The following STAM2 variants were observed in gnomAD, a reference collection of about 807,000 sequenced individuals.
STAM2 encodes signal transducing adapter molecule 2.
Under a neutral mutation model 65.6 loss-of-function variants are expected in STAM2, and 51 were observed. That is an observed-to-expected ratio of 0.78 (90% CI 0.62 to 0.98). The LOEUF is 0.98. Ranked by LOEUF, STAM2 falls within the 50% of genes least tolerant of loss-of-function variation. The probability of loss-of-function intolerance (pLI) is 0.00; values close to 1 mark genes in which losing one functional copy is unlikely to be tolerated. For synonymous variants in STAM2, 198 were observed against 208.4 expected (o/e 0.95, Z 0.43); for missense variants, 584 against 617.8 (o/e 0.95, Z 0.58).
chr2:152,150,878 AT>A (rs1000471596), intron 1 of STAM2, among the ~76,000 whole-genome samples: 1 of 151,904 alleles, frequency 6.6e-6, no homozygotes, highest in South Asian at 2.1e-4. Context: ...GGTTTTGTAA[AT>A]TTTTTTAATA....
chr2:152,150,281 T>C, intron 1 of STAM2, 52 bp from the exon 2 acceptor site: 1 of 1,163,294 alleles, frequency 8.6e-7, no homozygotes, highest in East Asian at 2.4e-5. Flanking sequence ...CATATAACAC[T>C]AAAATACCAG....
intron 11 of STAM2, among the ~76,000 whole-genome samples, chr2:152,127,574 T>C: frequency 6.6e-6 from 1 of 151,896 alleles, no homozygotes; most frequent in South Asian, 2.1e-4. Context: ...TTTTCATTTG[T>C]TTATATCCAT....
intron 1 of STAM2, among the ~76,000 whole-genome samples, chr2:152,158,470 C>T (rs1689594159): frequency 6.6e-6 from 1 of 150,466 alleles, no homozygotes; most frequent in Non-Finnish European, 1.5e-5. Flanking sequence ...AGCAAGATTC[C>T]ATCTCAAAAA....
chr2:152,134,612 T>C lies in STAM2; in HGVS notation c.799+897A>G, dbSNP rs189477089. 1.7e-3 allele frequency among the ~76,000 whole-genome samples: 264 copies of C among 152,318 alleles called. 1 individual carries two copies. The highest frequency in any genetic ancestry group is 5.5e-3 in the African/African-American group (228 of 41,574). ...CACTGATATATCCCTCAGTGAGTCA[T>C]TGTTAAGGTCAAACTGACTGACTTT... On this transcript the variant is annotated intron_variant, in intron 8 of 13. Transcript: ENST00000263904.
In STAM2 at chr2:152,147,022, A is replaced by T. The variant is rs1408785193; in HGVS notation, c.447+140T>A. 5 of 710,390 alleles carry T rather than the reference A, an allele frequency of 7.0e-6. No homozygotes were observed. In the Admixed American group the frequency reaches 1.2e-4, roughly 17 times the overall value. 44.0% of individuals were successfully genotyped at this position (710,390 alleles called of 1,614,324 possible). ...AAAACTAGAATGTCTACTAAACGTA[A>T]GGAAGGCACTATGCTAGAGAGTCAT... On this transcript the variant is annotated intron_variant, in intron 5 of 13. Transcript: ENST00000263904.
rs1216489935 is a variant in STAM2, at chr2:152,160,603, T to TG, written c.41-10375dup. Among the ~76,000 whole-genome samples, 384 of 130,532 alleles carry TG rather than the reference T, an allele frequency of 2.9e-3. 2 individuals carry two copies. Among genetic ancestry groups the TG allele is most frequent in the African/African-American group, 0.011 (367 of 33,198 alleles). The allele number at this position is 130,532 out of a possible 152,430, so 85.6% of individuals were successfully genotyped here. On this transcript the variant is annotated intron_variant, in intron 1 of 13. Coordinates refer to ENST00000263904, the MANE Select transcript of STAM2 (RefSeq NM_005843.6). ...CCAGCCGCTCCGTCCAGGAGGGAGG[T>TG]GGGGGGTCAGCCCCACCCAGGCCAG...
intron 2 of STAM2, among the ~76,000 whole-genome samples, chr2:152,149,251 A>G (rs1486408893): frequency 6.6e-6 from 1 of 152,186 alleles, no homozygotes; most frequent in Non-Finnish European, 1.5e-5. Context: ...ATACATTGTT[A>G]TCATGTATCC....
intron 1 of STAM2, among the ~76,000 whole-genome samples, chr2:152,155,617 A>T (rs1478029162): frequency 1.3e-5 from 2 of 152,220 alleles, no homozygotes; most frequent in Non-Finnish European, 2.9e-5. Flanking sequence ...TTATATACTA[A>T]GTCTGAAAAG....
At chr2:152,133,594 C>A in intron 8 of STAM2, 110 bp from the exon 9 acceptor site, 3 of 725,138 alleles carry the variant, frequency 4.1e-6, no homozygotes, top group South Asian at 1.8e-5. Flanking sequence ...AAAAGTCCTT[C>A]AAATATTCAC....
At chr2:152,167,591 C>CT (rs1163602683) in intron 1 of STAM2, among the ~76,000 whole-genome samples, 6 of 152,154 alleles carry the variant, frequency 3.9e-5, no homozygotes, top group African/African-American at 1.4e-4. Context: ...AGCAAAAACA[C>CT]TTTTAAAGAC....
intron 1 of STAM2, among the ~76,000 whole-genome samples, chr2:152,155,417 C>T (rs150107852): frequency 1.6e-4 from 25 of 152,318 alleles, no homozygotes; most frequent in Admixed American, 1.0e-3. Flanking sequence ...ATTCAACGGG[C>T]TACATAGGAT....
At chr2:152,172,497 A>T (rs1689913256) in intron 1 of STAM2, among the ~76,000 whole-genome samples, 1 of 152,196 alleles carries the variant, frequency 6.6e-6, no homozygotes, top group Admixed American at 6.5e-5. Flanking sequence ...TAATCTTTAA[A>T]GGCCTTTAAT....
intron 1 of STAM2, among the ~76,000 whole-genome samples, chr2:152,165,290 G>C (rs1472449502): frequency 6.6e-6 from 1 of 151,974 alleles, no homozygotes; most frequent in East Asian, 1.9e-4. Flanking sequence ...AATTATCTGG[G>C]CATGGTGGCA....
Position 152,160,404 on chromosome 2 carries a change from G to A in STAM2, c.41-10175C>T, listed in dbSNP as rs555798882. Among the ~76,000 whole-genome samples, 34 of 151,708 alleles carry A rather than the reference G, an allele frequency of 2.2e-4. 1 individual carries two copies. The East Asian group carries it at 3.0e-3, about 13-fold the overall frequency. On this transcript the variant is annotated intron_variant, in intron 1 of 13. Transcript: ENST00000263904. ...CCACCCCGTCTGGGATGTGAGGAGC[G>A]TCTCTGCCCGGCCGCCCCATCTCAG...
chr2:152,132,642 T>A (rs551569970), intron 10 of STAM2, among the ~76,000 whole-genome samples: 8 of 149,894 alleles, frequency 5.3e-5, no homozygotes, highest in Non-Finnish European at 1.2e-4. Context: ...CATAACCAGA[T>A]GTTTCTTCTA....
chr2:152,146,179 G>C (rs1036604331), intron 5 of STAM2, among the ~76,000 whole-genome samples: 1 of 149,608 alleles, frequency 6.7e-6, no homozygotes, highest in African/African-American at 2.5e-5. Flanking sequence ...GCGGAGGCAG[G>C]AGAATTGCTT....
intron 11 of STAM2, among the ~76,000 whole-genome samples, chr2:152,127,704 G>T (rs1006565282): frequency 2.0e-5 from 3 of 151,904 alleles, no homozygotes; most frequent in Non-Finnish European, 4.4e-5. Flanking sequence ...TTGATTTTGA[G>T]AAAGTAAACC....
In STAM2 at chr2:152,147,174, T is replaced by C. The variant is rs1232038482; in HGVS notation, c.435A>G (p.Pro145=). The C allele has an allele frequency of 6.2e-7, 1 of 1,607,454 alleles. No homozygotes were observed. Among genetic ancestry groups the C allele is most frequent in the Admixed American group, 1.7e-5 (1 of 58,400 alleles). The change falls in exon 5 of 14, where the codon CCA becomes CCG. Residue 145 remains proline, a synonymous_variant. Transcript: ENST00000263904. ...SMKEEGITFP[P]AGSQTVSAAA... Reference sequence around the variant, plus strand: ...ATAAATCTCTCACCTGAGAACCTGCTGGAGGAAAAGTAATTCCTTCTTCTT... The same window carrying C: ...ATAAATCTCTCACCTGAGAACCTGCCGGAGGAAAAGTAATTCCTTCTTCTT...
At chr2:152,121,871 C>T (rs954502930) in intron 13 of STAM2, among the ~76,000 whole-genome samples, 5 of 151,792 alleles carry the variant, frequency 3.3e-5, no homozygotes, top group South Asian at 2.1e-4. Context: ...AGTGAAACTC[C>T]GTCTCTACTA....
Sources: gnomAD v4.1 joint callset for allele counts (sites outside exome capture counted in the v4.1 genomes callset) on GRCh38, gnomAD v4.1.1 for gene constraint, MANE v1.5 for transcripts, NCBI Gene and HGNC (gene_info 2026-07-23, HGNC 2026-07-21) for gene names.